Variants in GPR89B observed in about 807,000 individuals in gnomAD.
GPR89B encodes golgi pH regulator B, also known as G protein-coupled receptor 89B.
A neutral mutation model predicts 52.4 loss-of-function variants in GPR89B; 25 were observed. The ratio of observed to expected loss-of-function variants is 0.48; its 90% CI spans 0.35 to 0.67. The LOEUF (loss-of-function observed/expected upper bound fraction) is 0.67. Ranked by LOEUF, GPR89B falls within the 30% of genes least tolerant of loss-of-function variation. The pLI is 0.01. For synonymous variants in GPR89B, 52 were observed against 151.2 expected, an observed-to-expected ratio of 0.34 and a Z score of 4.81; for missense variants, 146 against 450.2, an observed-to-expected ratio of 0.32 and a Z score of 6.11.
intron 10 of GPR89B, among the ~76,000 whole-genome samples, chr1:147,970,491 ATCTCTCTCTCTCTCTCTCTCTC>A (rs1174595676): frequency 9.5e-6 from 1 of 105,740 alleles, no homozygotes; most frequent in Non-Finnish European, 2.0e-5. Flanking sequence ...GTGAGACTCC[ATCTCTCTCTCTCTCTCTCTCTC>A]TCTCTCTCTC....
intron 10 of GPR89B, among the ~76,000 whole-genome samples, chr1:147,970,519 CTCTCTCTCTCTCTCTATCTCTA>C (rs1657359458): frequency 6.7e-6 from 1 of 150,164 alleles, no homozygotes; most frequent in Non-Finnish European, 1.5e-5. Context: ...CTCTCTCTCT[CTCTCTCTCTCTCTCTATCTCTA>C]TCTCTCTCTC....
At chr1:148,013,053 AAAT>A in the GPR89B span, among the ~76,000 whole-genome samples, 15 of 152,252 alleles carry the variant, frequency 9.9e-5, no homozygotes, top group East Asian at 2.3e-3. Flanking sequence ...TTACTGATGA[AAAT>A]AATAACAGAT....
chr1:148,016,028 C>T, the GPR89B span, among the ~76,000 whole-genome samples: 5 of 149,224 alleles, frequency 3.4e-5, no homozygotes, highest in African/African-American at 7.5e-5. Flanking sequence ...TTTGCTTTTA[C>T]GCATGTTATA....
chr1:148,001,568 AT>A, the GPR89B span: 80 of 868,422 alleles, frequency 9.2e-5, 2 homozygotes, highest in South Asian at 1.1e-3. Flanking sequence ...CCCTAAAAAA[AT>A]AAAACAGATT....
the GPR89B span, among the ~76,000 whole-genome samples, chr1:148,017,630 C>T: frequency 2.0e-5 from 3 of 149,628 alleles, no homozygotes; most frequent in African/African-American, 7.4e-5. Flanking sequence ...CCCAGCTACT[C>T]AGGAGGCTGA....
At chr1:147,964,199 T>G (rs1656859662) in intron 7 of GPR89B, among the ~76,000 whole-genome samples, 2 of 151,130 alleles carry the variant, frequency 1.3e-5, no homozygotes, top group South Asian at 4.2e-4. Flanking sequence ...CTCTGTATTT[T>G]TTCTCAAAAC....
intron 3 of GPR89B, among the ~76,000 whole-genome samples, chr1:147,941,413 A>C (rs781957683): frequency 6.6e-6 from 1 of 151,826 alleles, no homozygotes; most frequent in Non-Finnish European, 1.5e-5. Context: ...GTTCTAAAGT[A>C]GGTTAACCTA....
chr1:147,949,756 G>A (rs1655406375), intron 5 of GPR89B, among the ~76,000 whole-genome samples: 1 of 142,130 alleles, frequency 7.0e-6, no homozygotes, highest in African/African-American at 2.8e-5. Context: ...CCGGGCAGAG[G>A]CGCCCCTCAC....
At chr1:147,956,403 G>A (rs1440900487) in intron 7 of GPR89B, among the ~76,000 whole-genome samples, 2 of 152,234 alleles carry the variant, frequency 1.3e-5, no homozygotes, top group East Asian at 3.8e-4. Context: ...ATGTATTTTA[G>A]GATTATTTTT....
At chr1:148,017,009 C>G in the GPR89B span, among the ~76,000 whole-genome samples, 1 of 151,728 alleles carries the variant, frequency 6.6e-6, no homozygotes, top group Non-Finnish European at 1.5e-5. Flanking sequence ...TGCTTGCTTG[C>G]TTGCTTGCTT....
intron 5 of GPR89B, among the ~76,000 whole-genome samples, chr1:147,950,989 G>A (rs1469228249): frequency 4.6e-5 from 7 of 152,114 alleles, no homozygotes; most frequent in South Asian, 2.1e-4. Flanking sequence ...GAGGGAGAGC[G>A]ATAAAATAAT....
intron 3 of GPR89B, among the ~76,000 whole-genome samples, chr1:147,942,442 C>A (rs1446865482): frequency 1.3e-4 from 19 of 151,668 alleles, no homozygotes; most frequent in Admixed American, 1.2e-3. Context: ...TCATATGACC[C>A]AACAATTCCA....
intron 3 of GPR89B, among the ~76,000 whole-genome samples, chr1:147,941,319 C>T (rs6593852): frequency 2.8e-4 from 43 of 152,314 alleles, no homozygotes; most frequent in Non-Finnish European, 4.3e-4. Context: ...TCAAACCCAC[C>T]GCTTCCCAAA....
chr1:147,957,957 G>A (rs1656245094), intron 7 of GPR89B, among the ~76,000 whole-genome samples: 1 of 151,186 alleles, frequency 6.6e-6, no homozygotes, highest in African/African-American at 2.5e-5. Flanking sequence ...CCAGCTACTC[G>A]GGAGACTGAG....
downstream of GPR89B, chr1:147,994,266 A>G: frequency 1.3e-6 from 2 of 1,599,796 alleles, no homozygotes; most frequent in East Asian, 2.2e-5. Context: ...AGAAACAGCT[A>G]TCAAATAAAC....
chr1:148,019,674 CAAAA>C, the GPR89B span, among the ~76,000 whole-genome samples: 3 of 151,992 alleles, frequency 2.0e-5, no homozygotes, highest in African/African-American at 7.3e-5. Flanking sequence ...TCATTAGAAA[CAAAA>C]GAATGAGAGT....
At chr1:147,990,879 G>A (rs1287932636) in intron 12 of GPR89B, among the ~76,000 whole-genome samples, 1 of 151,532 alleles carries the variant, frequency 6.6e-6, no homozygotes, top group Non-Finnish European at 1.5e-5. Context: ...AAGTCAGGTA[G>A]CGTGATGCCT....
chr1:147,994,201 A>G (rs1461075178), downstream of GPR89B: 59 of 1,576,298 alleles, frequency 3.7e-5, no homozygotes, highest in Middle Eastern at 2.3e-4. Flanking sequence ...TCTTCTAAAG[A>G]GACAGTAAAC....
At chr1:147,999,334 C>T in the GPR89B span, among the ~76,000 whole-genome samples, 5 of 151,466 alleles carry the variant, frequency 3.3e-5, no homozygotes, top group Admixed American at 2.0e-4. Flanking sequence ...GTGGCCCGGG[C>T]GTGTTGGCTT....
Sources: allele counts gnomAD v4.1 joint callset (sites outside exome capture counted in the v4.1 genomes callset), GRCh38; gene constraint gnomAD v4.1.1; transcripts MANE v1.5; gene names NCBI Gene and HGNC (gene_info 2026-07-23, HGNC 2026-07-21).